The following JAK2 variants were observed in gnomAD, a reference collection of about 807,000 sequenced individuals.
JAK2 encodes tyrosine-protein kinase JAK2.
Under a neutral mutation model 139.3 loss-of-function variants are expected in JAK2, and 86 were observed. That is an observed-to-expected ratio of 0.62 (90% CI 0.52 to 0.74). The LOEUF (loss-of-function observed/expected upper bound fraction) is 0.74, where lower values mean the gene tolerates loss of function less well. Ranked by LOEUF, JAK2 falls within the 30% of genes least tolerant of loss-of-function variation. JAK2 has a pLI of 0.00. For missense variants in JAK2, 1,421 were observed against 1,360.3 expected (o/e 1.04, Z -0.70); for synonymous variants, 490 against 437.7 (o/e 1.12, Z -1.49).
intron 22 of JAK2, chr9:5,098,453 T>TA (rs1821195952): frequency 6.6e-6 from 1 of 152,174 alleles, no homozygotes; most frequent in Non-Finnish European, 1.5e-5. Flanking sequence ...AGTTCCTGGT[T>TA]CTATACATTA....
intron 5 of JAK2, among the ~76,000 whole-genome samples, chr9:5,049,664 G>C (rs1225954765): frequency 6.6e-6 from 1 of 152,168 alleles, no homozygotes; most frequent in Non-Finnish European, 1.5e-5. Context: ...TGATGACTGA[G>C]ACCACATCTT....
Position 5,080,578 on chromosome 9 carries a change from T to C in JAK2, c.2329T>C (p.Trp777Arg). 1 of 1,602,402 alleles carries C rather than the reference T, an allele frequency of 6.2e-7. No individual in the cohort carries two copies. Among genetic ancestry groups the C allele is most frequent in the Non-Finnish European group, 8.5e-7 (1 of 1,177,076 alleles). The change falls in exon 18 of 25, where the codon TGG becomes CGG. Residue 777 changes from tryptophan (W) to arginine (R), a missense_variant. Transcript: ENST00000381652. Reference sequence around the variant, plus strand: ...TAGGCATCAGCTTCCTGCACCAAAGTGGGCAGAATTAGCAAACCTTATAAA... The same window carrying C: ...TAGGCATCAGCTTCCTGCACCAAAGCGGGCAGAATTAGCAAACCTTATAAA... ...EDRHQLPAPK[W>R]AELANLINNC... is the part of the protein sequence containing the mutation.
intron 22 of JAK2, among the ~76,000 whole-genome samples, chr9:5,106,493 G>A (rs962069401): frequency 9.2e-5 from 14 of 152,168 alleles, no homozygotes; most frequent in African/African-American, 1.7e-4. Context: ...ACAGTGTGGC[G>A]ACTCCTCAAG....
At chr9:5,012,006 A>G (rs887513882) in intron 2 of JAK2, among the ~76,000 whole-genome samples, 9 of 152,174 alleles carry the variant, frequency 5.9e-5, no homozygotes, top group Admixed American at 5.9e-4. Context: ...CAGTTCTTTC[A>G]GATTTCTAGC....
chr9:4,989,204 T>C (rs1236921905), intron 2 of JAK2, among the ~76,000 whole-genome samples: 2 of 152,234 alleles, frequency 1.3e-5, no homozygotes, highest in African/African-American at 4.8e-5. Context: ...GGATCTCTAG[T>C]CCTTAAGCTT....
At chr9:5,007,440 A>G (rs947560970) in intron 2 of JAK2, among the ~76,000 whole-genome samples, 1 of 152,054 alleles carries the variant, frequency 6.6e-6, no homozygotes, top group African/African-American at 2.4e-5. Context: ...TCCATAAGAG[A>G]TTTTTAATTT....
In JAK2 at chr9:5,044,421, G is replaced by T; in HGVS notation, c.369G>T (p.Trp123Cys). 1 of 1,610,456 alleles carries T rather than the reference G, an allele frequency of 6.2e-7. No individual in the cohort carries two copies. Among genetic ancestry groups the T allele is most frequent in the Non-Finnish European group, 8.5e-7 (1 of 1,177,506 alleles). The stretch of plus-strand genomic sequence containing the variant: ...CTTGTAGATTTTACTTTCCTCGTTG[G>T]TATTGCAGTGGCAGCAACAGAGCCT... ...LYRIRFYFPR[W>C]YCSGSNRAYR... The change falls in exon 5 of 25, where the codon TGG (tryptophan) becomes TGT (cysteine). Residue 123 changes from tryptophan (W) to cysteine (C), a missense_variant. Transcript: ENST00000381652.
chr9:5,015,948 A>T (rs1822030501), intron 2 of JAK2, among the ~76,000 whole-genome samples: 1 of 152,222 alleles, frequency 6.6e-6, no homozygotes, highest in South Asian at 2.1e-4. Flanking sequence ...ATATATATAG[A>T]TTATAAGTGC....
At position 5,129,196 on chromosome 9, in the gene JAK2, T is replaced by A. The variant is rs1292190126; in HGVS notation, c.*2405T>A. 6.6e-6 allele frequency among the ~76,000 whole-genome samples: 1 copy of A among 152,108 alleles called. No homozygotes were observed. The highest frequency in any genetic ancestry group is 6.5e-5 in the Admixed American group (1 of 15,276). On this transcript the variant is annotated 3_prime_UTR_variant, in exon 25 of 25. Transcript: ENST00000381652. Reference sequence around the variant, plus strand: ...GTATCTATAGAGCCAATCTTGATGGTGGGTGTGGCATTATGTGCTCACTTT... The same window carrying A: ...GTATCTATAGAGCCAATCTTGATGGAGGGTGTGGCATTATGTGCTCACTTT...
At chr9:5,103,980 C>T (rs201209330) in intron 22 of JAK2, among the ~76,000 whole-genome samples, 6 of 152,068 alleles carry the variant, frequency 3.9e-5, no homozygotes, top group East Asian at 1.9e-4. Flanking sequence ...GAGCTAAAAT[C>T]GACACCTTAA....
intron 13 of JAK2, 145 bp downstream of exon 13, chr9:5,072,771 G>C (rs1819055556): frequency 4.2e-6 from 2 of 476,858 alleles, no homozygotes; most frequent in South Asian, 1.7e-4. Context: ...CATTCTTGTG[G>C]GGCTATAGAA....
At chr9:5,083,439 A>G (rs935765073) in intron 19 of JAK2, among the ~76,000 whole-genome samples, 2 of 152,184 alleles carry the variant, frequency 1.3e-5, no homozygotes, top group African/African-American at 4.8e-5. Context: ...ATTATCAGCT[A>G]TTCCTAAATT....
chr9:5,063,042 C>T (rs182183069), intron 8 of JAK2, among the ~76,000 whole-genome samples: 7 of 151,846 alleles, frequency 4.6e-5, no homozygotes, highest in African/African-American at 1.4e-4. Context: ...GTTTTTTTGG[C>T]TATTTGTGTT....
intron 4 of JAK2, among the ~76,000 whole-genome samples, chr9:5,036,621 C>A (rs1007835094): frequency 6.6e-6 from 1 of 152,196 alleles, no homozygotes; most frequent in Non-Finnish European, 1.5e-5. Context: ...AAAGGATTCC[C>A]TATTTAATAA....
chr9:5,091,951 A>T (rs1820611250), intron 22 of JAK2, among the ~76,000 whole-genome samples: 1 of 152,230 alleles, frequency 6.6e-6, no homozygotes, highest in Non-Finnish European at 1.5e-5. Context: ...GGGATGAAGT[A>T]GGGATAATAC....
intron 2 of JAK2, among the ~76,000 whole-genome samples, chr9:4,989,242 A>G (rs1403238284): frequency 6.6e-6 from 1 of 152,170 alleles, no homozygotes; most frequent in African/African-American, 2.4e-5. Context: ...CTTTCTAATA[A>G]TAAGCTATGC....
chr9:5,028,406 C>T (rs1822921267), intron 3 of JAK2, among the ~76,000 whole-genome samples: 1 of 152,170 alleles, frequency 6.6e-6, no homozygotes, highest in Non-Finnish European at 1.5e-5. Context: ...ATTTATAGAG[C>T]ACAGGCAGGG....
intron 2 of JAK2, among the ~76,000 whole-genome samples, chr9:4,990,267 T>C (rs1437791195): frequency 6.6e-6 from 1 of 152,166 alleles, no homozygotes; most frequent in East Asian, 1.9e-4. Flanking sequence ...TTTTGTATAT[T>C]AGGACTCAGA....
chr9:4,998,777 G>A (rs1332005837), intron 2 of JAK2, among the ~76,000 whole-genome samples: 2 of 151,440 alleles, frequency 1.3e-5, no homozygotes, highest in African/African-American at 4.9e-5. Flanking sequence ...AACCAGAAAA[G>A]GGATACATTT....
Sources: gnomAD v4.1 joint callset for allele counts (sites outside exome capture counted in the v4.1 genomes callset) on GRCh38, gnomAD v4.1.1 for gene constraint, MANE v1.5 for transcripts, NCBI Gene and HGNC (gene_info 2026-07-23, HGNC 2026-07-21) for gene names.